The following LYN variants were observed in gnomAD, a reference collection of about 807,000 sequenced individuals.
LYN encodes the protein tyrosine-protein kinase Lyn.
A neutral mutation model predicts 65.0 loss-of-function variants in LYN; 12 were observed. The observed-to-expected ratio is 0.18, with a 90% CI of 0.12 to 0.30. The LOEUF is 0.30. Ranked by LOEUF, LYN falls within the 10% of genes least tolerant of loss-of-function variation. The probability of loss-of-function intolerance (pLI) is 1.00; values close to 1 mark genes in which losing one functional copy is unlikely to be tolerated. For synonymous variants in LYN, 222 were observed against 221.2 expected (o/e 1.00, Z -0.03); for missense variants, 380 against 623.2 (o/e 0.61, Z 4.16).
intron 2 of LYN, among the ~76,000 whole-genome samples, chr8:55,942,419 G>GTATA (rs201314597): frequency 7.6e-6 from 1 of 131,162 alleles, no homozygotes; most frequent in Non-Finnish European, 1.6e-5. Flanking sequence ...ATATATGTGT[G>GTATA]TATATATATA....
chr8:55,898,203 T>G (rs1269675480), intron 1 of LYN, among the ~76,000 whole-genome samples: 1 of 152,038 alleles, frequency 6.6e-6, no homozygotes, highest in South Asian at 2.1e-4. Context: ...CTGTCCCCAT[T>G]GTTTTGTGTT....
intron 8 of LYN, among the ~76,000 whole-genome samples, chr8:55,960,552 T>C (rs149124872): frequency 1.3e-5 from 2 of 151,666 alleles, no homozygotes. Context: ...ACCAAAAGAG[T>C]TGTGATTGGT....
At chr8:55,983,179 G>T (rs1055150179) in intron 10 of LYN, among the ~76,000 whole-genome samples, 6 of 152,024 alleles carry the variant, frequency 3.9e-5, no homozygotes, top group African/African-American at 1.4e-4. Context: ...TGCCCAGTCT[G>T]CTCCCTCTCA....
intron 2 of LYN, among the ~76,000 whole-genome samples, chr8:55,943,091 T>A (rs1348336778): frequency 6.6e-6 from 1 of 152,200 alleles, no homozygotes; most frequent in East Asian, 1.9e-4. Flanking sequence ...CGGAAATACT[T>A]GGCAAAGAAA....
intron 4 of LYN, 37 bp from the exon 5 acceptor site, chr8:55,950,422 T>C (rs373582697): frequency 2.9e-6 from 4 of 1,393,346 alleles, no homozygotes; most frequent in Non-Finnish European, 4.0e-6. Flanking sequence ...GAGTATGTAA[T>C]CTTTTAGCTT....
chr8:55,986,003 C>T (rs951725989), intron 10 of LYN, among the ~76,000 whole-genome samples: 2 of 151,886 alleles, frequency 1.3e-5, no homozygotes, highest in African/African-American at 4.8e-5. Flanking sequence ...CTCATCTCTA[C>T]AAAAAAATAA....
chr8:55,979,932 C>G (rs1437109489), intron 10 of LYN, among the ~76,000 whole-genome samples: 1 of 152,218 alleles, frequency 6.6e-6, no homozygotes, highest in African/African-American at 2.4e-5. Context: ...TGGCCTCTTC[C>G]CCTCCCCACA....
intron 1 of LYN, among the ~76,000 whole-genome samples, chr8:55,906,656 C>T (rs1805430067): frequency 1.3e-5 from 2 of 151,112 alleles, no homozygotes; most frequent in African/African-American, 4.9e-5. Context: ...CACGCCTGGC[C>T]GAGGTCAAGA....
At chr8:55,891,453 G>A (rs1804961816) in intron 1 of LYN, among the ~76,000 whole-genome samples, 1 of 151,994 alleles carries the variant, frequency 6.6e-6, no homozygotes, top group African/African-American at 2.4e-5. Flanking sequence ...GACAAATACT[G>A]TATGAGTCCA....
chr8:55,918,421 C>T (rs745975290), intron 1 of LYN, among the ~76,000 whole-genome samples: 1 of 152,196 alleles, frequency 6.6e-6, no homozygotes, highest in Non-Finnish European at 1.5e-5. Context: ...GCTATGGAGC[C>T]GGGACATTTG....
intron 10 of LYN, chr8:55,980,384 C>G (rs1250859530): frequency 6.6e-6 from 1 of 152,298 alleles, no homozygotes; most frequent in Non-Finnish European, 1.5e-5. Flanking sequence ...CCTAGAGGTC[C>G]TCCACTCCCA....
chr8:55,981,892 G>A (rs1018028345), intron 10 of LYN, among the ~76,000 whole-genome samples: 6 of 152,216 alleles, frequency 3.9e-5, no homozygotes, highest in Admixed American at 6.5e-5. Context: ...AACACCAGGA[G>A]GAATGAGAAA....
intron 8 of LYN, among the ~76,000 whole-genome samples, chr8:55,962,880 G>A (rs1807328055): frequency 6.6e-6 from 1 of 152,216 alleles, no homozygotes. Flanking sequence ...CAAAAAGGAA[G>A]GCAAAAGGGA....
chr8:55,998,585 C>G (rs1000688467), intron 11 of LYN, 86 bp downstream of exon 11: 3 of 1,292,896 alleles, frequency 2.3e-6, no homozygotes, highest in Admixed American at 3.6e-5. Context: ...TTACAATAGT[C>G]ACCATTAAGA....
chr8:55,966,752 C>T lies in LYN; in HGVS notation c.828C>T (p.Thr276=). 1.2e-6 allele frequency: 2 copies of T among 1,613,988 alleles called. No individual in the cohort carries two copies. The highest frequency in any genetic ancestry group is 1.7e-6 in the Non-Finnish European group (2 of 1,179,954). Residue 276 remains threonine, a synonymous_variant, in exon 9 of 13, where the codon ACC becomes ACT. Transcript: ENST00000519728. ...ACAGTACCAAGGTGGCTGTGAAAACCCTGAAGCCAGGAACTATGTCTGTGC... is the reference window on the plus strand; with the variant it reads ...ACAGTACCAAGGTGGCTGTGAAAACTCTGAAGCCAGGAACTATGTCTGTGC... ...YNNSTKVAVK[T]LKPGTMSVQA...
intron 2 of LYN, 33 bp from the exon 3 acceptor site, chr8:55,946,413 CAG>C: frequency 1.4e-6 from 2 of 1,476,860 alleles, no homozygotes; most frequent in Non-Finnish European, 1.9e-6. Flanking sequence ...AAAAGCTAAA[CAG>C]AATTTTTTTT....
chr8:55,915,154 T>A (rs1805748586), intron 1 of LYN, among the ~76,000 whole-genome samples: 1 of 152,160 alleles, frequency 6.6e-6, no homozygotes, highest in Non-Finnish European at 1.5e-5. Context: ...TATTTCAGTT[T>A]CCATCGCTGT....
intron 1 of LYN, among the ~76,000 whole-genome samples, chr8:55,917,617 C>A (rs1184005499): frequency 6.6e-6 from 1 of 152,208 alleles, no homozygotes; most frequent in Non-Finnish European, 1.5e-5. Context: ...AAAGAGTTCC[C>A]TAAGTAAGCT....
Position 55,904,853 on chromosome 8 carries a change from C to T in LYN, c.-6+24750C>T, listed in dbSNP as rs187658138. Among the ~76,000 whole-genome samples, 8 of 152,246 alleles carry T rather than the reference C, an allele frequency of 5.3e-5. No individual in the cohort carries two copies. The South Asian group carries it at 1.0e-3, about 20-fold the overall frequency. On this transcript the variant is annotated intron_variant, in intron 1 of 12. Transcript: ENST00000519728. ...CAAGGTTCCCTACATTATTAGACTG[C>T]GCATTTTACCCTTTTTCAAAAGCAG...
Sources: gnomAD v4.1 joint callset for allele counts (sites outside exome capture counted in the v4.1 genomes callset) on GRCh38, gnomAD v4.1.1 for gene constraint, MANE v1.5 for transcripts, NCBI Gene and HGNC (gene_info 2026-07-23, HGNC 2026-07-21) for gene names.